The following CDH20 variants were observed in gnomAD, a reference collection of about 807,000 sequenced individuals.
CDH20 encodes the protein cadherin-20.
Under a neutral mutation model 74.2 loss-of-function variants are expected in CDH20, and 29 were observed. That is an observed-to-expected ratio of 0.39 (90% CI 0.29 to 0.53). The LOEUF (loss-of-function observed/expected upper bound fraction) is 0.53, where lower values mean the gene tolerates loss of function less well. Ranked by LOEUF, CDH20 falls within the 20% of genes least tolerant of loss-of-function variation. The probability of loss-of-function intolerance (pLI) is 0.69; values close to 1 mark genes in which losing one functional copy is unlikely to be tolerated. For synonymous variants in CDH20, 469 were observed against 405.4 expected, an observed-to-expected ratio of 1.16 and a Z score of -1.88; for missense variants, 988 against 1,048.3, an observed-to-expected ratio of 0.94 and a Z score of 0.79.
chr18:61,402,181 G>A (rs756623850), intron 1 of CDH20, among the ~76,000 whole-genome samples: 1 of 152,302 alleles, frequency 6.6e-6, no homozygotes, highest in South Asian at 2.1e-4. Flanking sequence ...CCCAGGTTCT[G>A]TGGAACTGGA....
At chr18:61,426,882 C>G (rs544449660) in intron 1 of CDH20, among the ~76,000 whole-genome samples, 3 of 152,226 alleles carry the variant, frequency 2.0e-5, no homozygotes, top group African/African-American at 4.8e-5. Context: ...ATGACTCCAG[C>G]AGAGAAATTA....
chr18:61,387,979 T>C (rs1024300662), intron 1 of CDH20, among the ~76,000 whole-genome samples: 242 of 152,168 alleles, frequency 1.6e-3, no homozygotes, highest in Non-Finnish European at 7.4e-4. Flanking sequence ...AAAAAAACCC[T>C]TACAATATTT....
chr18:61,429,884 T>A (rs1288053210), intron 1 of CDH20, among the ~76,000 whole-genome samples: 1 of 152,188 alleles, frequency 6.6e-6, no homozygotes. Context: ...CAAACTATGT[T>A]CCTTTGTAGT....
intron 9 of CDH20, among the ~76,000 whole-genome samples, chr18:61,543,222 C>T (rs1913102989): frequency 6.6e-6 from 1 of 152,136 alleles, no homozygotes; most frequent in South Asian, 2.1e-4. Context: ...GCTTTAGCTC[C>T]CCTAATTTAC....
chr18:61,502,996 AGAATACTACGAAGT>A lies in CDH20; in HGVS notation c.708_721del (p.Glu236AspfsTer29). 6.2e-7 allele frequency: 1 copy of A among 1,614,012 alleles called. No homozygotes were observed. Among genetic ancestry groups the A allele is most frequent in the Non-Finnish European group, 8.5e-7 (1 of 1,179,924 alleles). The stretch of plus-strand genomic sequence containing the variant: ...TCATGAACATGGACAGAGAAGCCAA[AGAATACTACGAAGT>A]GATTATCCAAGCCAAGGACATGGGA... On this transcript the variant is annotated frameshift_variant, in exon 5 of 12. Transcript: ENST00000262717. LOFTEE classifies it high-confidence loss of function.
rs141641112 is a variant in CDH20 at position 61,395,501 on chromosome 18, C to A, written c.-153+61674C>A. 7.9e-4 allele frequency among the ~76,000 whole-genome samples: 121 copies of A among 152,258 alleles called. No individual in the cohort carries two copies. In the Middle Eastern group the frequency reaches 0.031, roughly 39 times the overall value. On this transcript the variant is annotated intron_variant, in intron 1 of 11. Coordinates refer to ENST00000262717, the MANE Select transcript of CDH20 (RefSeq NM_031891.4). ...CCATCCCAAACCTGGATTACTGGTTCTTTGATCTCCTTACCTCCAAAGACC... is the reference window on the plus strand; with the variant it reads ...CCATCCCAAACCTGGATTACTGGTTATTTGATCTCCTTACCTCCAAAGACC...
chr18:61,531,954 C>T (rs931889557), intron 7 of CDH20, among the ~76,000 whole-genome samples: 1 of 152,210 alleles, frequency 6.6e-6, no homozygotes, highest in East Asian at 1.9e-4. Context: ...CCTATAAATA[C>T]CCTGTCTTGG....
chr18:61,533,638 T>C (rs1912725162), intron 7 of CDH20, among the ~76,000 whole-genome samples: 1 of 152,208 alleles, frequency 6.6e-6, no homozygotes, highest in African/African-American at 2.4e-5. Flanking sequence ...TACAATCCCA[T>C]TCATCTATTT....
At chr18:61,516,213 T>C (rs908655930) in intron 6 of CDH20, among the ~76,000 whole-genome samples, 1 of 152,250 alleles carries the variant, frequency 6.6e-6, no homozygotes, top group African/African-American at 2.4e-5. Context: ...CTGCATATAC[T>C]ATCACTCAAC....
intron 6 of CDH20, among the ~76,000 whole-genome samples, chr18:61,507,981 G>T (rs185294854): frequency 1.4e-4 from 21 of 152,040 alleles, no homozygotes; most frequent in Middle Eastern, 3.4e-3. Flanking sequence ...AACATGCAAG[G>T]GTTTTTTAAT....
chr18:61,442,744 A>G (rs1038038093), intron 1 of CDH20, among the ~76,000 whole-genome samples: 2 of 152,190 alleles, frequency 1.3e-5, no homozygotes, highest in Non-Finnish European at 1.5e-5. Flanking sequence ...TCATTGAACC[A>G]TTAGAAACCA....
intron 6 of CDH20, among the ~76,000 whole-genome samples, chr18:61,509,525 A>G (rs1911705542): frequency 6.6e-6 from 1 of 152,130 alleles, no homozygotes; most frequent in South Asian, 2.1e-4. Context: ...GGCTGAGTGG[A>G]GGGGGGAACT....
At chr18:61,406,214 T>C (rs1170214641) in intron 1 of CDH20, among the ~76,000 whole-genome samples, 5 of 152,246 alleles carry the variant, frequency 3.3e-5, no homozygotes, top group African/African-American at 4.8e-5. Context: ...TTTCATGTAT[T>C]ATTTCCTCAA....
intron 1 of CDH20, among the ~76,000 whole-genome samples, chr18:61,382,901 T>C (rs58960180): frequency 2.0e-5 from 3 of 152,188 alleles, no homozygotes; most frequent in East Asian, 3.9e-4. Flanking sequence ...AAGAATATAA[T>C]ATGGTGGTGA....
At chr18:61,357,531 G>A (rs759593257) in intron 1 of CDH20, among the ~76,000 whole-genome samples, 2 of 152,256 alleles carry the variant, frequency 1.3e-5, no homozygotes, top group East Asian at 1.9e-4. Context: ...TTTTGTCCTC[G>A]TGGTTGCAAA....
intron 7 of CDH20, among the ~76,000 whole-genome samples, chr18:61,531,050 A>C (rs1472558045): frequency 6.7e-6 from 1 of 148,208 alleles, no homozygotes; most frequent in Non-Finnish European, 1.5e-5. Context: ...AGTGTGTCCC[A>C]ATTTCCTCGT....
chr18:61,385,274 T>C (rs1280679384), intron 1 of CDH20, among the ~76,000 whole-genome samples: 3 of 152,100 alleles, frequency 2.0e-5, no homozygotes, highest in South Asian at 4.1e-4. Context: ...AGACTGTCAG[T>C]AAGCTCTTGT....
chr18:61,551,359 G>A (rs1486289113), intron 11 of CDH20, among the ~76,000 whole-genome samples: 1 of 152,102 alleles, frequency 6.6e-6, no homozygotes, highest in Non-Finnish European at 1.5e-5. Flanking sequence ...AAAGCCCTGA[G>A]GATTGAAATT....
Position 61,449,828 on chromosome 18 carries a change from T to C in CDH20, c.-152-40574T>C, listed in dbSNP as rs116379943. ...GGATAACTGAACAGGGAGGGGGTAT[T>C]TTCTTTAATAAATGAAAATCAAGAG... On this transcript the variant is annotated intron_variant, in intron 1 of 11. Coordinates refer to ENST00000262717, the MANE Select transcript of CDH20 (RefSeq NM_031891.4). Among the ~76,000 whole-genome samples the C allele has an allele frequency of 4.2e-3, 638 of 152,008 alleles. 4 individuals carry two copies. The highest frequency in any genetic ancestry group is 0.014 in the African/African-American group (592 of 41,526).
Sources: gnomAD v4.1 joint callset for allele counts (sites outside exome capture counted in the v4.1 genomes callset) on GRCh38, gnomAD v4.1.1 for gene constraint, MANE v1.5 for transcripts, NCBI Gene and HGNC (gene_info 2026-07-23, HGNC 2026-07-21) for gene names.